The following MOXD1 variants were observed in gnomAD, a reference collection of about 807,000 sequenced individuals.
The protein encoded by MOXD1 is DBH-like monooxygenase protein 1.
MOXD1 carries 62 observed loss-of-function variants against 66.6 expected under a neutral mutation model. The ratio of observed to expected loss-of-function variants is 0.93; its 90% CI spans 0.76 to 1.15. MOXD1 has a LOEUF of 1.15. Among genes scored for constraint, MOXD1 ranks in the 50% most tolerant of loss-of-function variants. The pLI is 0.00. For synonymous variants in MOXD1, 303 were observed against 281.9 expected, an observed-to-expected ratio of 1.07 and a Z score of -0.75; for missense variants, 847 against 754.6, an observed-to-expected ratio of 1.12 and a Z score of -1.44.
At chr6:132,368,011 C>G (rs979088746) in intron 4 of MOXD1, among the ~76,000 whole-genome samples, 1 of 151,834 alleles carries the variant, frequency 6.6e-6, no homozygotes, top group Non-Finnish European at 1.5e-5. Context: ...CCATAATAGG[C>G]CATCAGCAAA....
chr6:132,299,912 CT>C (rs397727769), intron 10 of MOXD1, among the ~76,000 whole-genome samples: 1 of 151,646 alleles, frequency 6.6e-6, no homozygotes, highest in Non-Finnish European at 1.5e-5. Context: ...CTCTCTCTCT[CT>C]TAACATACAT....
At chr6:132,397,446 T>G (rs556464104) in intron 1 of MOXD1, among the ~76,000 whole-genome samples, 71 of 152,308 alleles carry the variant, frequency 4.7e-4, no homozygotes, top group African/African-American at 1.6e-3. Flanking sequence ...GGGTTGATTC[T>G]TTATTAACAT....
Position 132,323,917 on chromosome 6 carries a change from CAG to C in MOXD1, c.1113+12_1113+13del. 6.3e-7 allele frequency: 1 copy of C among 1,586,252 alleles called. No homozygotes were observed. The highest frequency in any genetic ancestry group is 8.5e-7 in the Non-Finnish European group (1 of 1,169,868). On this transcript the variant is annotated intron_variant, in intron 7 of 11. Coordinates refer to ENST00000367963, the MANE Select transcript of MOXD1 (RefSeq NM_015529.4). ...GAATCTGCAGAGAGCAGCTCAGACT[CAG>C]ATGCTGCATACCTCTTCCAGGCACT...
chr6:132,391,972 A>G (rs2050732), intron 1 of MOXD1: 502,211 of 502,314 alleles, frequency 1, 251,054 homozygotes, highest in Middle Eastern at 1. Flanking sequence ...CACTTGGAGA[A>G]GTCTCTTCGT....
chr6:132,332,935 C>T (rs1392536836), intron 4 of MOXD1, among the ~76,000 whole-genome samples: 1 of 152,110 alleles, frequency 6.6e-6, no homozygotes, highest in Non-Finnish European at 1.5e-5. Context: ...TGCATTAACC[C>T]GACTTTCTGA....
intron 1 of MOXD1, among the ~76,000 whole-genome samples, chr6:132,377,298 A>G (rs1776410612): frequency 6.6e-6 from 1 of 152,226 alleles, no homozygotes; most frequent in Non-Finnish European, 1.5e-5. Flanking sequence ...TGAAATAACA[A>G]TGTCTGTAGA....
chr6:132,366,244 T>C (rs919689737), intron 4 of MOXD1, among the ~76,000 whole-genome samples: 1 of 152,102 alleles, frequency 6.6e-6, no homozygotes, highest in Non-Finnish European at 1.5e-5. Context: ...AAGATTTGCC[T>C]TTAGAAAATA....
chr6:132,339,277 A>G (rs946176412), intron 4 of MOXD1, among the ~76,000 whole-genome samples: 5 of 152,222 alleles, frequency 3.3e-5, no homozygotes, highest in African/African-American at 9.7e-5. Flanking sequence ...TATAGTTTTA[A>G]GTATAAATTT....
chr6:132,345,313 T>C (rs1775648589), intron 4 of MOXD1, among the ~76,000 whole-genome samples: 1 of 152,226 alleles, frequency 6.6e-6, no homozygotes, highest in Non-Finnish European at 1.5e-5. Context: ...TCTACATTTA[T>C]GAGGAATAAT....
At chr6:132,325,904 C>A (rs553397820) in intron 6 of MOXD1, among the ~76,000 whole-genome samples, 2 of 152,322 alleles carry the variant, frequency 1.3e-5, no homozygotes, top group East Asian at 3.8e-4. Context: ...AAAATCAATT[C>A]TCCTTTTGTG....
At chr6:132,394,790 G>C (rs1320283844) in intron 1 of MOXD1, among the ~76,000 whole-genome samples, 1 of 152,084 alleles carries the variant, frequency 6.6e-6, no homozygotes, top group African/African-American at 2.4e-5. Context: ...GATAAAAAAA[G>C]AATGAGCAAA....
rs1048412679 is a variant in MOXD1 at position 132,320,791 on chromosome 6, C to T, written c.1306-103G>A. ...TTAATATTTGCTGTATGAATGGATG[C>T]GCCAAGTAATTTCATTCAGCAGAAG... On this transcript the variant is annotated intron_variant, in intron 8 of 11. Coordinates refer to ENST00000367963, the MANE Select transcript of MOXD1 (RefSeq NM_015529.4). 27 of 929,370 alleles carry T rather than the reference C, an allele frequency of 2.9e-5. 1 individual carries two copies. The highest frequency in any genetic ancestry group is 1.6e-4 in the East Asian group (6 of 38,014). The allele number at this position is 929,370 out of a possible 1,614,324, so 57.6% of individuals were successfully genotyped here. A position where few individuals can be genotyped will look rare whatever the true frequency, so the allele number is the denominator to read the frequency against.
chr6:132,354,730 C>G (rs562338024), intron 4 of MOXD1, among the ~76,000 whole-genome samples: 1 of 152,056 alleles, frequency 6.6e-6, no homozygotes, highest in Non-Finnish European at 1.5e-5. Context: ...GAGTATATAG[C>G]GTTTGTCTTC....
At chr6:132,355,985 G>T (rs1054575417) in intron 4 of MOXD1, among the ~76,000 whole-genome samples, 12 of 152,214 alleles carry the variant, frequency 7.9e-5, no homozygotes, top group Admixed American at 6.5e-5. Flanking sequence ...GCCAGACACA[G>T]AAGAGCACTA....
At chr6:132,363,450 A>G (rs1776056435) in intron 4 of MOXD1, among the ~76,000 whole-genome samples, 2 of 152,214 alleles carry the variant, frequency 1.3e-5, no homozygotes, top group Non-Finnish European at 2.9e-5. Flanking sequence ...ATGGCTGGAT[A>G]TAAGCTATCA....
chr6:132,340,638 A>ATTTTTTTTTTTTTTTTTT lies in MOXD1; in HGVS notation c.664-12062_664-12045dup, dbSNP rs869205496. Among the ~76,000 whole-genome samples the ATTTTTTTTTTTTTTTTTT allele has an allele frequency of 5.3e-4, 52 of 98,764 alleles. 7 individuals carry two copies. The highest frequency in any genetic ancestry group is 2.2e-3 in the African/African-American group (49 of 22,544). The allele number at this position is 98,764 out of a possible 152,430, so 64.8% of individuals were successfully genotyped here. On this transcript the variant is annotated intron_variant, in intron 4 of 11. Coordinates refer to ENST00000367963, the MANE Select transcript of MOXD1 (RefSeq NM_015529.4). ...ACAACATGCTAAAACAACAAGACTC[A>ATTTTTTTTTTTTTTTTTT]TTTTTTTTTTTTTTTTTTTTTTTTT...
intron 1 of MOXD1, among the ~76,000 whole-genome samples, chr6:132,390,053 G>A (rs2275393): frequency 0.1 from 15,165 of 151,206 alleles, 1,453 homozygotes; most frequent in East Asian, 0.39. Flanking sequence ...ATACATCAAC[G>A]CCTAGTATTA....
At chr6:132,378,775 A>G (rs1363356043) in intron 1 of MOXD1, among the ~76,000 whole-genome samples, 1 of 151,418 alleles carries the variant, frequency 6.6e-6, no homozygotes, top group Non-Finnish European at 1.5e-5. Flanking sequence ...ATTCTAGGCC[A>G]AGATGCTTTC....
intron 1 of MOXD1, among the ~76,000 whole-genome samples, chr6:132,383,667 CTCTT>C (rs1027973976): frequency 6.6e-6 from 1 of 152,160 alleles, no homozygotes; most frequent in African/African-American, 2.4e-5. Context: ...AAAATTTTGA[CTCTT>C]TATTTGGAAT....
Sources: gnomAD v4.1 joint callset for allele counts (sites outside exome capture counted in the v4.1 genomes callset) on GRCh38, gnomAD v4.1.1 for gene constraint, MANE v1.5 for transcripts, NCBI Gene and HGNC (gene_info 2026-07-23, HGNC 2026-07-21) for gene names.